The following TIAM1 variants were observed in gnomAD, a reference collection of about 807,000 sequenced individuals.
TIAM1 encodes the protein TIAM Rac1 associated GEF 1.
Under a neutral mutation model 163.5 loss-of-function variants are expected in TIAM1, and 65 were observed. That is an observed-to-expected ratio of 0.40 (90% CI 0.33 to 0.49). The LOEUF (loss-of-function observed/expected upper bound fraction) is 0.49, where lower values mean the gene tolerates loss of function less well. TIAM1 is among the 20% of genes least tolerant of loss of function. The pLI, the probability that TIAM1 is intolerant of heterozygous loss-of-function variation, is 0.77. For missense variants in TIAM1, 1,789 were observed against 2,044.7 expected, an observed-to-expected ratio of 0.87 and a Z score of 2.41; for synonymous variants, 833 against 810.1, an observed-to-expected ratio of 1.03 and a Z score of -0.48.
At chr21:31,326,549 G>A (rs2075493357) in intron 2 of TIAM1, among the ~76,000 whole-genome samples, 1 of 152,188 alleles carries the variant, frequency 6.6e-6, no homozygotes, top group African/African-American at 2.4e-5. Context: ...AAAAGCCCAT[G>A]AACTGGAAAG....
intron 10 of TIAM1, among the ~76,000 whole-genome samples, chr21:31,212,273 C>G (rs2086922822): frequency 6.6e-6 from 1 of 152,116 alleles, no homozygotes. Flanking sequence ...TGAAGCTCAG[C>G]TCCATCTACA....
At chr21:31,546,065 A>C (rs1399759059) in intron 1 of TIAM1, among the ~76,000 whole-genome samples, 1 of 119,720 alleles carries the variant, frequency 8.4e-6, no homozygotes, top group Non-Finnish European at 1.7e-5. Context: ...AATTGTTTTA[A>C]TTTATTTTAA....
intron 1 of TIAM1, among the ~76,000 whole-genome samples, chr21:31,490,843 T>C (rs925648685): frequency 6.6e-6 from 1 of 152,302 alleles, no homozygotes. Context: ...AGCCCAAGGA[T>C]TGGCCGAGCG....
intron 2 of TIAM1, among the ~76,000 whole-genome samples, chr21:31,374,585 G>A (rs1207237558): frequency 6.6e-6 from 1 of 152,180 alleles, no homozygotes. Context: ...AGGAACAGGA[G>A]GGGCTGTGAA....
rs200300720 is a variant in TIAM1, at chr21:31,552,048, C to CTTTTTT, written c.-422+6873_-422+6878dup. ...TATATGGAATTTTTACTCTGCACTA[C>CTTTTTT]TTTTTTTTTTTTTTTTTTTTTTTTT... On this transcript the variant is annotated intron_variant, in intron 1 of 28. Coordinates refer to the TIAM1 transcript ENST00000286827. Among the ~76,000 whole-genome samples the CTTTTTT allele has an allele frequency of 1.0e-4, 8 of 80,116 alleles. 2 individuals are homozygous for CTTTTTT. The highest frequency in any genetic ancestry group is 1.3e-4 in the Non-Finnish European group (6 of 46,120). 52.6% of individuals were successfully genotyped at this position (80,116 alleles called of 152,430 possible). A position where few individuals can be genotyped will look rare whatever the true frequency, so the allele number is the denominator to read the frequency against.
intron 1 of TIAM1, among the ~76,000 whole-genome samples, chr21:31,490,399 G>A (rs1156250364): frequency 2.6e-5 from 4 of 151,998 alleles, no homozygotes; most frequent in Non-Finnish European, 5.9e-5. Flanking sequence ...GAAATAAAAT[G>A]ATTTTTTTTA....
At chr21:31,302,780 T>C (rs2074553858) in intron 2 of TIAM1, among the ~76,000 whole-genome samples, 1 of 152,244 alleles carries the variant, frequency 6.6e-6, no homozygotes, top group South Asian at 2.1e-4. Context: ...AAAAGATCAT[T>C]ATGATGTAGA....
chr21:31,426,644 A>T (rs190615077), intron 2 of TIAM1, among the ~76,000 whole-genome samples: 1 of 152,322 alleles, frequency 6.6e-6, no homozygotes, highest in Admixed American at 6.5e-5. Flanking sequence ...AGGAGCTACA[A>T]CTGAAAGAGA....
At chr21:31,200,133 A>C (rs959665806) in intron 12 of TIAM1, among the ~76,000 whole-genome samples, 1 of 152,118 alleles carries the variant, frequency 6.6e-6, no homozygotes, top group African/African-American at 2.4e-5. Flanking sequence ...CCCAGTGCCT[A>C]GAACAGCTAG....
At chr21:31,443,652 CCT>C (rs774204427) in intron 2 of TIAM1, among the ~76,000 whole-genome samples, 3 of 152,122 alleles carry the variant, frequency 2.0e-5, no homozygotes, top group Non-Finnish European at 2.9e-5. Flanking sequence ...AAGAAAATCC[CCT>C]GATATCAGAC....
chr21:31,468,599 A>AC (rs1284097455), intron 1 of TIAM1, among the ~76,000 whole-genome samples: 2 of 151,520 alleles, frequency 1.3e-5, no homozygotes, highest in Admixed American at 1.3e-4. Context: ...ACACGGTGAA[A>AC]CCCGTCTCTA....
chr21:31,179,100 A>C (rs1404487981), intron 15 of TIAM1, among the ~76,000 whole-genome samples: 1 of 151,628 alleles, frequency 6.6e-6, no homozygotes, highest in Admixed American at 6.6e-5. Flanking sequence ...GAAATAAAGC[A>C]ATGTGGCCGC....
intron 2 of TIAM1, among the ~76,000 whole-genome samples, chr21:31,318,482 C>T (rs1321258405): frequency 1.3e-5 from 2 of 152,234 alleles, no homozygotes; most frequent in African/African-American, 2.4e-5. Flanking sequence ...GACATTCCCA[C>T]AGCCTAATAA....
intron 2 of TIAM1, among the ~76,000 whole-genome samples, chr21:31,400,453 A>T (rs2077146298): frequency 6.6e-6 from 1 of 152,114 alleles, no homozygotes. Context: ...TCTGATTTAT[A>T]AATTAGAGCA....
At chr21:31,487,859 T>C (rs1274813310) in intron 1 of TIAM1, among the ~76,000 whole-genome samples, 2 of 152,158 alleles carry the variant, frequency 1.3e-5, no homozygotes, top group African/African-American at 4.8e-5. Context: ...GCCCGGCCTT[T>C]TTTTGTATTT....
At chr21:31,183,823 T>C (rs1448673338) in intron 14 of TIAM1, among the ~76,000 whole-genome samples, 3 of 151,348 alleles carry the variant, frequency 2.0e-5, no homozygotes, top group Non-Finnish European at 4.4e-5. Context: ...GCCTCCCAAG[T>C]AGCTGGGATT....
intron 1 of TIAM1, among the ~76,000 whole-genome samples, chr21:31,482,571 C>G (rs1381468276): frequency 6.6e-6 from 1 of 152,176 alleles, no homozygotes; most frequent in Admixed American, 6.5e-5. Context: ...GGCTCTGAGG[C>G]AGTACCAGTT....
intron 6 of TIAM1, among the ~76,000 whole-genome samples, chr21:31,226,955 T>C (rs1431101382): frequency 9.4e-6 from 1 of 106,286 alleles, no homozygotes. Context: ...ATTCTGTGTT[T>C]TTTTTTTTTT....
chr21:31,462,225 T>C (rs2045354637), intron 2 of TIAM1, among the ~76,000 whole-genome samples: 1 of 152,174 alleles, frequency 6.6e-6, no homozygotes, highest in Admixed American at 6.5e-5. Context: ...AAAGCGCAGC[T>C]ATAAATAACA....
Sources: gnomAD v4.1 joint callset for allele counts (sites outside exome capture counted in the v4.1 genomes callset) on GRCh38, gnomAD v4.1.1 for gene constraint, MANE v1.5 for transcripts, NCBI Gene and HGNC (gene_info 2026-07-23, HGNC 2026-07-21) for gene names.